Variants in TM4SF18 observed in about 807,000 individuals in gnomAD.
TM4SF18 encodes transmembrane 4 L6 family member 18.
TM4SF18 carries 22 observed loss-of-function variants against 23.8 expected under a neutral mutation model. The ratio of observed to expected loss-of-function variants is 0.92; its 90% CI spans 0.66 to 1.32. The LOEUF (loss-of-function observed/expected upper bound fraction) is 1.32, where lower values mean the gene tolerates loss of function less well. Among genes scored for constraint, TM4SF18 ranks in the 40% most tolerant of loss-of-function variants. The pLI is 0.00. For missense variants in TM4SF18, 255 were observed against 240.3 expected (o/e 1.06, Z -0.41); for synonymous variants, 87 against 87.9 (o/e 0.99, Z 0.06).
intron 2 of TM4SF18, among the ~76,000 whole-genome samples, chr3:149,331,170 G>T (rs1383168558): frequency 6.6e-6 from 1 of 151,932 alleles, no homozygotes; most frequent in Non-Finnish European, 1.5e-5. Flanking sequence ...CACTATTTAG[G>T]ACTGAATCCC....
Position 149,333,355 on chromosome 3 carries a change from G to GGCA in TM4SF18, c.25_27dup (p.Cys9dup). 6.2e-7 allele frequency: 1 copy of GGCA among 1,612,998 alleles called. No individual in the cohort carries two copies. Among genetic ancestry groups the GGCA allele is most frequent in the Non-Finnish European group, 8.5e-7 (1 of 1,179,520 alleles). On this transcript the variant is annotated inframe_insertion, in exon 2 of 6. Coordinates refer to ENST00000296059, the MANE Select transcript of TM4SF18 (RefSeq NM_138786.4). ...GCAAGCGGAATCAGCAAACAACTTA[G>GGCA]GCAGCCTCCACACTTCCGAGACCCC...
Position 149,333,494 on chromosome 3 carries a change from T to TTC in TM4SF18, c.-18+18_-18+19insGA. On this transcript the variant is annotated intron_variant, in intron 1 of 5. Transcript: ENST00000296059. ...TCTCTCTCTCTCTCTTTTTTTTTTTTTTTTTTGAGATTACCTACCACTTCC... is the reference window on the plus strand; with the variant it reads ...TCTCTCTCTCTCTCTTTTTTTTTTTTTCTTTTTTGAGATTACCTACCACTTCC... 1 of 880,324 alleles carries TTC rather than the reference T, an allele frequency of 1.1e-6. No homozygotes were observed. Among genetic ancestry groups the TTC allele is most frequent in the East Asian group, 2.9e-5 (1 of 34,886 alleles). 54.5% of individuals were successfully genotyped at this position (880,324 alleles called of 1,614,324 possible).
rs992090407 is a variant in TM4SF18 at position 149,325,114 on chromosome 3, C to A, written c.268-92G>T. On this transcript the variant is annotated intron_variant, in intron 3 of 5. Coordinates refer to ENST00000296059, the MANE Select transcript of TM4SF18 (RefSeq NM_138786.4). ...TCAGATAGCTACATTCCCCTATTCA[C>A]CCAAGCTCATGCAGTCTATACAATA... The A allele has an allele frequency of 1.2e-5, 16 of 1,322,478 alleles. No individual in the cohort carries two copies. The African/African-American group carries it at 2.1e-4, about 17-fold the overall frequency. The allele number at this position is 1,322,478 out of a possible 1,614,324, so 81.9% of individuals were successfully genotyped here.
chr3:149,324,309 G>A (rs573397601), intron 4 of TM4SF18, among the ~76,000 whole-genome samples: 2 of 152,132 alleles, frequency 1.3e-5, no homozygotes, highest in South Asian at 2.1e-4. Context: ...TCCAGTATAA[G>A]CTGCATAAGC....
intron 4 of TM4SF18, 102 bp from the exon 5 acceptor site, chr3:149,322,538 A>G: frequency 1.0e-6 from 1 of 954,566 alleles, no homozygotes; most frequent in Non-Finnish European, 1.6e-6. Flanking sequence ...ATATATAGTT[A>G]TTAGATATGA....
intron 2 of TM4SF18, among the ~76,000 whole-genome samples, chr3:149,331,725 C>A (rs1368373769): frequency 6.6e-6 from 1 of 152,172 alleles, no homozygotes; most frequent in African/African-American, 2.4e-5. Flanking sequence ...ACACATAATT[C>A]CACCACCCTC....
intron 3 of TM4SF18, among the ~76,000 whole-genome samples, chr3:149,327,100 C>T (rs1730967869): frequency 6.6e-6 from 1 of 152,172 alleles, no homozygotes; most frequent in African/African-American, 2.4e-5. Flanking sequence ...CAGGCACGTG[C>T]CGCCACGCCT....
chr3:149,325,801 T>G (rs1410023525), intron 3 of TM4SF18, among the ~76,000 whole-genome samples: 2 of 152,158 alleles, frequency 1.3e-5, no homozygotes, highest in African/African-American at 4.8e-5. Flanking sequence ...ACTTTATCCT[T>G]CAGGGCAAGG....
intron 2 of TM4SF18, 81 bp from the exon 3 acceptor site, chr3:149,330,500 A>C: frequency 1.1e-6 from 1 of 930,376 alleles, no homozygotes. Context: ...AGCGTCTTCA[A>C]GCATAGAGTC....
chr3:149,331,809 C>T (rs1268077883), intron 2 of TM4SF18, among the ~76,000 whole-genome samples: 1 of 152,100 alleles, frequency 6.6e-6, no homozygotes, highest in African/African-American at 2.4e-5. Flanking sequence ...AGTAATTTAC[C>T]CACAATGTTA....
chr3:149,320,443 C>T lies in TM4SF18; in HGVS notation c.*1035G>A, dbSNP rs1730779371. 1 of 152,186 alleles carries T rather than the reference C, an allele frequency of 6.6e-6. No individual in the cohort carries two copies. Among genetic ancestry groups the T allele is most frequent in the Admixed American group, 6.5e-5 (1 of 15,270 alleles). The allele number at this position is 152,186 out of a possible 1,614,324, so 9.4% of individuals were successfully genotyped here. A position where few individuals can be genotyped will look rare whatever the true frequency, so the allele number is the denominator to read the frequency against. ...TAAATATAGGTACTGGTAACTCCCC[C>T]TGACACAGGTATTGACTGGTCAGTG... On this transcript the variant is annotated 3_prime_UTR_variant, in exon 6 of 6. Coordinates refer to ENST00000296059, the MANE Select transcript of TM4SF18 (RefSeq NM_138786.4).
At chr3:149,324,778 C>T in intron 4 of TM4SF18, 102 bp downstream of exon 4, 1 of 1,488,730 alleles carries the variant, frequency 6.7e-7, no homozygotes, top group Non-Finnish European at 9.2e-7. Context: ...AAAACAGCCA[C>T]ATGGAACCCC....
chr3:149,322,029 C>T (rs111433973), intron 5 of TM4SF18, among the ~76,000 whole-genome samples: 1,705 of 152,234 alleles, frequency 0.011, 25 homozygotes, highest in African/African-American at 0.028. Flanking sequence ...TACCATACAA[C>T]AAGAAATGCA....
At chr3:149,325,576 C>A (rs778424117) in intron 3 of TM4SF18, among the ~76,000 whole-genome samples, 1 of 152,078 alleles carries the variant, frequency 6.6e-6, no homozygotes, top group Non-Finnish European at 1.5e-5. Context: ...ACAGGCAGAT[C>A]AGTGCAACCA....
At chr3:149,330,296 A>C in intron 3 of TM4SF18, 34 bp downstream of exon 3, 1 of 1,479,904 alleles carries the variant, frequency 6.8e-7, no homozygotes, top group Non-Finnish European at 9.4e-7. Context: ...GCTGGAGCCC[A>C]CTCAACCATC....
chr3:149,328,843 C>T (rs947345189), intron 3 of TM4SF18, among the ~76,000 whole-genome samples: 5 of 152,050 alleles, frequency 3.3e-5, no homozygotes, highest in Non-Finnish European at 5.9e-5. Flanking sequence ...AAAGGGAACC[C>T]GGAGAATCCT....
In TM4SF18 at chr3:149,333,395, A is replaced by G. The variant is rs1457998719; in HGVS notation, c.-13T>C. 6.2e-7 allele frequency: 1 copy of G among 1,602,460 alleles called. No individual in the cohort carries two copies. The highest frequency in any genetic ancestry group is 1.3e-5 in the African/African-American group (1 of 74,754). ...TCCGAGACCCCATTTTGCCCTGCTT[A>G]GAACCTGCGGGAGATTTCAAGAGTA... On this transcript the variant is annotated 5_prime_UTR_variant, in exon 2 of 6. Transcript: ENST00000296059.
chr3:149,322,058 T>A (rs1230709255), intron 5 of TM4SF18, among the ~76,000 whole-genome samples, 198 bp downstream of exon 5: 1 of 152,190 alleles, frequency 6.6e-6, no homozygotes, highest in African/African-American at 2.4e-5. Flanking sequence ...AATTACTGAG[T>A]TGATTCAACC....
In TM4SF18 at chr3:149,324,668, G is replaced by A. The variant is rs114586150; in HGVS notation, c.410+212C>T. On this transcript the variant is annotated intron_variant, in intron 4 of 5. Coordinates refer to ENST00000296059, the MANE Select transcript of TM4SF18 (RefSeq NM_138786.4). Reference sequence around the variant, plus strand: ...CCATGACAACCTCAAGACATTGAATGAAAATGGCATTAAAAGACTGAAGAA... The same window carrying A: ...CCATGACAACCTCAAGACATTGAATAAAAATGGCATTAAAAGACTGAAGAA... 8.5e-3 allele frequency: 4,884 copies of A among 575,360 alleles called. 40 individuals carry two copies. Among genetic ancestry groups the A allele is most frequent in the Non-Finnish European group, 0.012 (3,766 of 325,256 alleles). 35.6% of individuals were successfully genotyped at this position (575,360 alleles called of 1,614,324 possible).
Sources: allele counts gnomAD v4.1 joint callset (sites outside exome capture counted in the v4.1 genomes callset), GRCh38; gene constraint gnomAD v4.1.1; transcripts MANE v1.5; gene names NCBI Gene and HGNC (gene_info 2026-07-23, HGNC 2026-07-21).